The following RBFOX1 variants were observed in gnomAD, a reference collection of about 807,000 sequenced individuals.
The protein encoded by RBFOX1 is RNA binding fox-1 homolog 1, also known as RNA binding protein fox-1 homolog 1.
Under a neutral mutation model 57.7 loss-of-function variants are expected in RBFOX1, and 8 were observed. The ratio of observed to expected loss-of-function variants is 0.14; its 90% confidence interval spans 0.08 to 0.25. The LOEUF is 0.25. RBFOX1 is among the 10% of genes least tolerant of loss of function. RBFOX1 has a pLI of 1.00. For missense variants in RBFOX1, 611 were observed against 548.5 expected (o/e 1.11, Z -1.14); for synonymous variants, 326 against 222.4 (o/e 1.47, Z -4.15).
At chr16:7,692,919 T>G (rs575391832) in intron 14 of RBFOX1, among the ~76,000 whole-genome samples, 5 of 152,116 alleles carry the variant, frequency 3.3e-5, no homozygotes, top group Non-Finnish European at 7.4e-5. Context: ...GTCTAGAATT[T>G]TATAATTTTT....
At chr16:6,928,064 C>G (rs1005828762) in intron 3 of RBFOX1, among the ~76,000 whole-genome samples, 12 of 152,122 alleles carry the variant, frequency 7.9e-5, no homozygotes, top group African/African-American at 2.9e-4. Flanking sequence ...GGTTGAAGCC[C>G]CAGATGACTG....
chr16:7,412,706 T>C (rs556194599), intron 4 of RBFOX1, among the ~76,000 whole-genome samples: 191 of 152,274 alleles, frequency 1.3e-3, no homozygotes, highest in South Asian at 2.7e-3. Context: ...ATAAACAAAT[T>C]TGTATGGCTT....
At chr16:7,710,452 A>C in intron 15 of RBFOX1, 171 bp from the exon 16 acceptor site, 2 of 1,442,724 alleles carry the variant, frequency 1.4e-6, no homozygotes, top group Non-Finnish European at 1.8e-6. Context: ...CTATTGGGGA[A>C]GGTCAGGAAT....
intron 2 of RBFOX1, among the ~76,000 whole-genome samples, chr16:6,563,908 G>C (rs1476608977): frequency 6.6e-6 from 1 of 151,898 alleles, no homozygotes; most frequent in African/African-American, 2.4e-5. Flanking sequence ...GCGTATATGT[G>C]TGTGTGTGTA....
chr16:7,662,705 C>A (rs1438099501), intron 12 of RBFOX1, among the ~76,000 whole-genome samples: 1 of 152,086 alleles, frequency 6.6e-6, no homozygotes, highest in African/African-American at 2.4e-5. Context: ...GAAAAGTCAC[C>A]CAGCTGCAGG....
intron 4 of RBFOX1, among the ~76,000 whole-genome samples, chr16:7,190,345 A>G (rs186745612): frequency 6.4e-4 from 98 of 152,112 alleles, no homozygotes; most frequent in African/African-American, 2.3e-3. Flanking sequence ...GGTGACAGAG[A>G]CTCCGCCTCA....
At chr16:6,703,086 T>A (rs2062107556) in intron 3 of RBFOX1, among the ~76,000 whole-genome samples, 1 of 152,246 alleles carries the variant, frequency 6.6e-6, no homozygotes, top group African/African-American at 2.4e-5. Context: ...GTTATTCTTA[T>A]TTCCTTCGTT....
chr16:6,942,181 G>T (rs2078656279), intron 3 of RBFOX1, among the ~76,000 whole-genome samples: 1 of 152,172 alleles, frequency 6.6e-6, no homozygotes, highest in Non-Finnish European at 1.5e-5. Context: ...GGAGGTTGCA[G>T]TGAGCCAAGA....
intron 2 of RBFOX1, among the ~76,000 whole-genome samples, chr16:6,523,570 C>T (rs542415493): frequency 6.6e-6 from 1 of 152,104 alleles, no homozygotes; most frequent in Non-Finnish European, 1.5e-5. Context: ...TTTGACCTTG[C>T]CTTTCAGTCT....
chr16:5,523,584 T>C (rs940810511), intron 2 of RBFOX1, among the ~76,000 whole-genome samples: 1 of 152,140 alleles, frequency 6.6e-6, no homozygotes, highest in African/African-American at 2.4e-5. Context: ...GCCGCTGCAC[T>C]GCAGCCTGGA....
At chr16:6,405,873 C>T (rs771326592) in intron 2 of RBFOX1, among the ~76,000 whole-genome samples, 7 of 152,144 alleles carry the variant, frequency 4.6e-5, no homozygotes, top group Non-Finnish European at 7.3e-5. Flanking sequence ...ACTTCTATTA[C>T]AAAATGCAAT....
At chr16:7,010,341 A>G (rs1010891235) in intron 3 of RBFOX1, among the ~76,000 whole-genome samples, 3 of 152,220 alleles carry the variant, frequency 2.0e-5, no homozygotes, top group Non-Finnish European at 2.9e-5. Flanking sequence ...CATCAAACCC[A>G]GTCTGGTTAG....
chr16:6,079,536 C>G (rs561271839), intron 1 of RBFOX1, among the ~76,000 whole-genome samples: 60 of 150,570 alleles, frequency 4.0e-4, no homozygotes, highest in Non-Finnish European at 6.6e-4. Context: ...GTTGTCCAGG[C>G]TGGTCTCAAA....
chr16:7,335,871 C>T (rs1016986823), intron 4 of RBFOX1, among the ~76,000 whole-genome samples: 12 of 152,110 alleles, frequency 7.9e-5, no homozygotes, highest in African/African-American at 2.9e-4. Flanking sequence ...GAGAGTTTTT[C>T]CCTCCAGCCA....
At chr16:5,345,685 T>C (rs1350397512) in intron 1 of RBFOX1, among the ~76,000 whole-genome samples, 1 of 152,158 alleles carries the variant, frequency 6.6e-6, no homozygotes, top group Non-Finnish European at 1.5e-5. Flanking sequence ...AAGCCATCTC[T>C]TTCCGATGCA....
intron 2 of RBFOX1, among the ~76,000 whole-genome samples, chr16:6,621,336 C>A (rs866783825): frequency 1.7e-4 from 26 of 152,174 alleles, no homozygotes; most frequent in Admixed American, 5.2e-4. Flanking sequence ...TGGTGGCAGG[C>A]GCCTGTAGTC....
intron 4 of RBFOX1, among the ~76,000 whole-genome samples, chr16:7,128,890 G>C (rs551355667): frequency 6.8e-6 from 1 of 147,030 alleles, no homozygotes; most frequent in Non-Finnish European, 1.5e-5. Flanking sequence ...GTGCAATCTC[G>C]GCTCACTGCA....
chr16:6,305,331 C>A (rs534411218), intron 1 of RBFOX1, among the ~76,000 whole-genome samples: 1 of 152,304 alleles, frequency 6.6e-6, no homozygotes, highest in East Asian at 1.9e-4. Context: ...ATGCCCAGGG[C>A]ATAGGGATGT....
intron 10 of RBFOX1, among the ~76,000 whole-genome samples, chr16:7,608,914 T>C (rs1212251557): frequency 6.6e-6 from 1 of 152,212 alleles, no homozygotes. Context: ...CTTTCCTTCA[T>C]TGATGAGAGT....
Sources: allele counts gnomAD v4.1 joint callset (sites outside exome capture counted in the v4.1 genomes callset), GRCh38; gene constraint gnomAD v4.1.1; transcripts MANE v1.5; gene names NCBI Gene and HGNC (gene_info 2026-07-23, HGNC 2026-07-21).